Variants in TRAF3 observed in about 807,000 individuals in gnomAD.
TRAF3 encodes TNF receptor-associated factor 3.
In TRAF3, 13 loss-of-function variants were observed where a neutral mutation model predicts 62.3. The ratio of observed to expected loss-of-function variants is 0.21; its 90% CI spans 0.14 to 0.33. The LOEUF is 0.33. TRAF3 is among the 10% of genes least tolerant of loss of function. The probability of loss-of-function intolerance (pLI) is 1.00; values close to 1 mark genes in which losing one functional copy is unlikely to be tolerated. For missense variants in TRAF3, 440 were observed against 741.8 expected, an observed-to-expected ratio of 0.59 and a Z score of 4.73; for synonymous variants, 269 against 283.4, an observed-to-expected ratio of 0.95 and a Z score of 0.51.
chr14:102,869,362 C>T (rs1022595626), intron 2 of TRAF3, among the ~76,000 whole-genome samples: 5 of 152,208 alleles, frequency 3.3e-5, no homozygotes, highest in Admixed American at 6.5e-5. Flanking sequence ...CATTGAGACT[C>T]ATCTAGCGGA....
intron 9 of TRAF3, chr14:102,895,337 C>T (rs763456500): frequency 3.3e-5 from 9 of 269,850 alleles, no homozygotes; most frequent in Non-Finnish European, 6.6e-5. Context: ...TAAATACATA[C>T]TTGTTTTAAA....
intron 2 of TRAF3, among the ~76,000 whole-genome samples, chr14:102,869,888 G>A (rs1209438445): frequency 1.3e-5 from 2 of 151,790 alleles, no homozygotes; most frequent in Non-Finnish European, 2.9e-5. Flanking sequence ...ATAGCTTGGT[G>A]CAACCTTCAA....
At chr14:102,883,612 G>A (rs1313341261) in intron 6 of TRAF3, among the ~76,000 whole-genome samples, 1 of 151,916 alleles carries the variant, frequency 6.6e-6, no homozygotes, top group East Asian at 1.9e-4. Flanking sequence ...TCGAGGCAGT[G>A]TCTCACTCTG....
intron 1 of TRAF3, among the ~76,000 whole-genome samples, chr14:102,794,217 C>G (rs1897951348): frequency 6.6e-6 from 1 of 152,040 alleles, no homozygotes; most frequent in Non-Finnish European, 1.5e-5. Context: ...ACTCTTTTGC[C>G]CAGGCTGAGT....
At chr14:102,877,867 A>C (rs1888805934) in intron 6 of TRAF3, among the ~76,000 whole-genome samples, 1 of 152,182 alleles carries the variant, frequency 6.6e-6, no homozygotes, top group African/African-American at 2.4e-5. Flanking sequence ...TCCGTTCCAC[A>C]GGCCTTCCGC....
In TRAF3 at chr14:102,908,998, C is replaced by T. The variant is rs1292807102; in HGVS notation, c.*3214C>T. Reference sequence around the variant, plus strand: ...GTCCCGCGGAGCCTGCAGAGCTAGACGTTGGGGTGTGTCCGTGATGATATG... The same window carrying T: ...GTCCCGCGGAGCCTGCAGAGCTAGATGTTGGGGTGTGTCCGTGATGATATG... On this transcript the variant is annotated 3_prime_UTR_variant, in exon 12 of 12. Coordinates refer to ENST00000392745, the MANE Select transcript of TRAF3 (RefSeq NM_145725.3). 6.6e-6 allele frequency: 1 copy of T among 152,426 alleles called. No individual in the cohort carries two copies. Among genetic ancestry groups the T allele is most frequent in the Admixed American group, 6.5e-5 (1 of 15,284 alleles). The allele number at this position is 152,426 out of a possible 1,614,324, so 9.4% of individuals were successfully genotyped here. A position where few individuals can be genotyped will look rare whatever the true frequency, so the allele number is the denominator to read the frequency against.
At chr14:102,795,973 T>G (rs1355831827) in intron 1 of TRAF3, among the ~76,000 whole-genome samples, 4 of 152,066 alleles carry the variant, frequency 2.6e-5, no homozygotes. Context: ...TCCCAGCACT[T>G]TGGGAGGCTG....
chr14:102,899,745 C>T (rs1157069661), intron 10 of TRAF3, among the ~76,000 whole-genome samples: 2 of 152,148 alleles, frequency 1.3e-5, no homozygotes, highest in Non-Finnish European at 2.9e-5. Flanking sequence ...GCACAGAGGG[C>T]CCGATGGCCT....
intron 1 of TRAF3, among the ~76,000 whole-genome samples, chr14:102,781,446 C>G (rs1481431754): frequency 6.6e-6 from 1 of 152,102 alleles, no homozygotes; most frequent in African/African-American, 2.4e-5. Context: ...GCTGTCCCTA[C>G]CATTTTTCAT....
intron 1 of TRAF3, among the ~76,000 whole-genome samples, chr14:102,825,813 G>C (rs56330734): frequency 6.6e-6 from 1 of 152,096 alleles, no homozygotes; most frequent in East Asian, 1.9e-4. Context: ...GTCTAGAAGC[G>C]CTTGATGAAA....
chr14:102,867,343 C>CTGT (rs1022967714), intron 2 of TRAF3, among the ~76,000 whole-genome samples: 2 of 152,152 alleles, frequency 1.3e-5, no homozygotes, highest in African/African-American at 4.8e-5. Flanking sequence ...GTTCAAAGAC[C>CTGT]TTACAAAAAT....
intron 2 of TRAF3, among the ~76,000 whole-genome samples, chr14:102,842,693 A>G (rs1188933686): frequency 6.6e-6 from 1 of 152,222 alleles, no homozygotes; most frequent in East Asian, 1.9e-4. Context: ...CCAGAAAACC[A>G]GTGATCAAGA....
intron 8 of TRAF3, among the ~76,000 whole-genome samples, chr14:102,890,900 G>T (rs764788950): frequency 2.6e-5 from 4 of 152,168 alleles, no homozygotes; most frequent in Non-Finnish European, 5.9e-5. Context: ...CTAGACTGTT[G>T]TGGCAGTATC....
rs567909592 is a variant in TRAF3, at chr14:102,826,274, C to T, written c.-156-4060C>T. On this transcript the variant is annotated intron_variant, in intron 1 of 11. Coordinates refer to ENST00000392745, the MANE Select transcript of TRAF3 (RefSeq NM_145725.3). This position sits in a 1 kb window ranked among gnomAD's most constrained non-coding sequence, Gnocchi z 4.6. ...CCTCGTCTGTCTGGTGGAGCCGCCTCACAGAGGAACAAGTGAGTTGTGCGT... is the reference window on the plus strand; with the variant it reads ...CCTCGTCTGTCTGGTGGAGCCGCCTTACAGAGGAACAAGTGAGTTGTGCGT... Among the ~76,000 whole-genome samples the T allele has an allele frequency of 1.4e-4, 22 of 152,174 alleles. No homozygotes were observed. The highest frequency in any genetic ancestry group is 5.1e-4 in the African/African-American group (21 of 41,518).
rs746272538 is a variant in TRAF3 at position 102,806,519 on chromosome 14, T to C, written c.-156-23815T>C. Among the ~76,000 whole-genome samples the C allele has an allele frequency of 3.3e-5, 5 of 152,226 alleles. No individual in the cohort carries two copies. In the South Asian group the frequency reaches 6.2e-4, roughly 19 times the overall value. The stretch of plus-strand genomic sequence containing the variant: ...GTGGTTCCCAAGTTCCCCAAACTTA[T>C]GTCTTTAGTCCAAGCTGCCCCTTGA... On this transcript the variant is annotated intron_variant, in intron 1 of 11. Coordinates refer to ENST00000392745, the MANE Select transcript of TRAF3 (RefSeq NM_145725.3).
chr14:102,782,776 G>A (rs1268920618), intron 1 of TRAF3, among the ~76,000 whole-genome samples: 1 of 151,878 alleles, frequency 6.6e-6, no homozygotes, highest in African/African-American at 2.4e-5. Context: ...GAAAGATATG[G>A]CGACCTGCTG....
chr14:102,867,764 C>T (rs74082933), intron 2 of TRAF3, among the ~76,000 whole-genome samples: 8 of 152,142 alleles, frequency 5.3e-5, no homozygotes, highest in Admixed American at 1.3e-4. Flanking sequence ...CATAATGGAC[C>T]GGCAAGTTTG....
intron 1 of TRAF3, among the ~76,000 whole-genome samples, chr14:102,799,796 G>A (rs374519649): frequency 6.6e-6 from 1 of 152,302 alleles, no homozygotes; most frequent in African/African-American, 2.4e-5. Flanking sequence ...CCTTCTGTCA[G>A]CTGCCAGGCA....
At chr14:102,830,682 G>A (rs1449877627) in intron 2 of TRAF3, among the ~76,000 whole-genome samples, 1 of 152,154 alleles carries the variant, frequency 6.6e-6, no homozygotes, top group Non-Finnish European at 1.5e-5. Context: ...TGCCCTTAAC[G>A]CTGTGTGCTG....
Sources: gnomAD v4.1 joint callset for allele counts (sites outside exome capture counted in the v4.1 genomes callset) on GRCh38, gnomAD v4.1.1 for gene constraint, Gnocchi (gnomAD v3.1) non-coding constraint, MANE v1.5 for transcripts, NCBI Gene and HGNC (gene_info 2026-07-23, HGNC 2026-07-21) for gene names.